Variants in RABGAP1 observed in about 807,000 individuals in gnomAD.
RABGAP1 encodes the protein rab GTPase-activating protein 1.
In RABGAP1, 23 loss-of-function variants were observed where a neutral mutation model predicts 137.6. That is an observed-to-expected ratio of 0.17 (90% CI 0.12 to 0.24). The LOEUF (loss-of-function observed/expected upper bound fraction) is 0.24, where lower values mean the gene tolerates loss of function less well. Ranked by LOEUF, RABGAP1 falls within the 10% of genes least tolerant of loss-of-function variation. RABGAP1 has a pLI of 1.00. For synonymous variants in RABGAP1, 451 were observed against 450.7 expected (o/e 1.00, Z -0.01); for missense variants, 906 against 1,275.8 (o/e 0.71, Z 4.42).
At chr9:122,952,089 CAT>C in intron 1 of RABGAP1, among the ~76,000 whole-genome samples, 1 of 152,082 alleles carries the variant, frequency 6.6e-6, no homozygotes, top group South Asian at 2.1e-4. Context: ...GAAAATAAAG[CAT>C]AATTGAACTT....
At chr9:122,965,660 A>AG (rs373948975) in intron 2 of RABGAP1, among the ~76,000 whole-genome samples, 21 of 152,384 alleles carry the variant, frequency 1.4e-4, no homozygotes, top group African/African-American at 4.8e-4. Context: ...CTAGGATTAC[A>AG]GGCGTGAGCC....
the RABGAP1 span, among the ~76,000 whole-genome samples, chr9:122,932,694 T>C: frequency 6.6e-6 from 1 of 152,214 alleles, no homozygotes; most frequent in East Asian, 1.9e-4. Flanking sequence ...CACACCGGGC[T>C]AATTTGATAT....
intron 10 of RABGAP1, 79 bp downstream of exon 10, chr9:122,998,845 G>T: frequency 1.1e-6 from 1 of 945,598 alleles, no homozygotes; most frequent in South Asian, 2.3e-5. Flanking sequence ...TAAGCCCTCA[G>T]ATCTTTAAAC....
chr9:123,016,399 CTG>C (rs1426562163), intron 12 of RABGAP1, among the ~76,000 whole-genome samples: 2 of 152,062 alleles, frequency 1.3e-5, no homozygotes, highest in Non-Finnish European at 2.9e-5. Flanking sequence ...TCCAGCTACT[CTG>C]GAGGCTGAGG....
intron 13 of RABGAP1, among the ~76,000 whole-genome samples, chr9:123,031,962 T>G (rs1268901005): frequency 6.6e-6 from 1 of 152,238 alleles, no homozygotes; most frequent in Admixed American, 6.5e-5. Context: ...TTCCTTCTTT[T>G]CAGCTACCTT....
intron 2 of RABGAP1, among the ~76,000 whole-genome samples, chr9:122,963,060 C>T (rs1325233782): frequency 2.0e-5 from 3 of 152,200 alleles, no homozygotes; most frequent in African/African-American, 7.2e-5. Context: ...AATAACCAAG[C>T]ACCAAAATGC....
chr9:123,045,598 A>G (rs2132038364), intron 13 of RABGAP1, among the ~76,000 whole-genome samples: 1 of 152,338 alleles, frequency 6.6e-6, no homozygotes, highest in African/African-American at 2.4e-5. Flanking sequence ...AATCTGTCTG[A>G]ATGTTAGAAG....
intron 13 of RABGAP1, among the ~76,000 whole-genome samples, chr9:123,038,572 G>C (rs2032790974): frequency 6.6e-6 from 1 of 152,026 alleles, no homozygotes; most frequent in South Asian, 2.1e-4. Flanking sequence ...CATAGTTGTT[G>C]GTGAAATTAC....
chr9:122,969,318 A>G (rs1330513084), intron 2 of RABGAP1, among the ~76,000 whole-genome samples: 3 of 152,350 alleles, frequency 2.0e-5, no homozygotes, highest in East Asian at 1.9e-4. Context: ...TGTTCATACA[A>G]CAGAACTGCC....
rs2035395709 is a variant in RABGAP1 at position 123,103,280 on chromosome 9, G to A, written c.*67G>A. 2.5e-6 allele frequency: 4 copies of A among 1,590,262 alleles called. No individual in the cohort carries two copies. Among genetic ancestry groups the A allele is most frequent in the Non-Finnish European group, 3.4e-6 (4 of 1,168,692 alleles). ...CTTTTGTTGCCTTCTTTGGCCAGAT[G>A]TGTGATTCTGTGACTTGTCCCAGGA... is the stretch of plus-strand genomic sequence containing the variant. On this transcript the variant is annotated 3_prime_UTR_variant, in exon 26 of 26. Coordinates refer to ENST00000373647, the MANE Select transcript of RABGAP1 (RefSeq NM_012197.4).
At chr9:123,064,050 A>ACTCTCG (rs913067162) in intron 13 of RABGAP1, among the ~76,000 whole-genome samples, 3 of 151,146 alleles carry the variant, frequency 2.0e-5, no homozygotes, top group African/African-American at 7.3e-5. Flanking sequence ...TCTCACTCTC[A>ACTCTCG]CTCTCGCTCA....
chr9:122,971,504 C>T (rs1354781484), intron 2 of RABGAP1, among the ~76,000 whole-genome samples: 1 of 152,142 alleles, frequency 6.6e-6, no homozygotes, highest in Admixed American at 6.5e-5. Context: ...CTGAATCCCA[C>T]TGGAACTTGG....
At chr9:122,984,324 T>G (rs1836249247) in intron 2 of RABGAP1, among the ~76,000 whole-genome samples, 161 bp from the exon 3 acceptor site, 1 of 152,316 alleles carries the variant, frequency 6.6e-6, no homozygotes, top group African/African-American at 2.4e-5. Flanking sequence ...GCACCCTTAT[T>G]TGTTGCAGAT....
At chr9:123,091,469 A>G (rs2035030573) in intron 21 of RABGAP1, among the ~76,000 whole-genome samples, 1 of 152,230 alleles carries the variant, frequency 6.6e-6, no homozygotes, top group African/African-American at 2.4e-5. Flanking sequence ...CAGAGACCAC[A>G]GTATCTACCC....
chr9:123,047,919 G>GTTTTTTTTTTTTTTTTTTTTTTTTTT (rs59639446), intron 13 of RABGAP1, among the ~76,000 whole-genome samples: 4 of 62,250 alleles, frequency 6.4e-5, no homozygotes, highest in Non-Finnish European at 1.4e-4. Flanking sequence ...CAGCTGCTGG[G>GTTTTTTTTTTTTTTTTTTTTTTTTTT]TTTTTTTTTT....
At chr9:123,029,465 A>AT in intron 13 of RABGAP1, 1 of 1,483,268 alleles carries the variant, frequency 6.7e-7, no homozygotes, top group Non-Finnish European at 9.4e-7. Flanking sequence ...AACCAGTTTG[A>AT]TAAGTCCTTT....
At chr9:123,059,546 C>T (rs2033884395) in intron 13 of RABGAP1, among the ~76,000 whole-genome samples, 1 of 152,034 alleles carries the variant, frequency 6.6e-6, no homozygotes, top group Non-Finnish European at 1.5e-5. Flanking sequence ...CAGAGCGATA[C>T]TCCGTCTCAA....
At chr9:123,019,889 G>A (rs924379461) in intron 12 of RABGAP1, among the ~76,000 whole-genome samples, 1 of 151,934 alleles carries the variant, frequency 6.6e-6, no homozygotes, top group African/African-American at 2.4e-5. Context: ...TCACCATGGC[G>A]CCCAGGCTGC....
At chr9:123,014,837 A>C (rs2031095537) in intron 11 of RABGAP1, among the ~76,000 whole-genome samples, 1 of 152,060 alleles carries the variant, frequency 6.6e-6, no homozygotes, top group South Asian at 2.1e-4. Flanking sequence ...GGAAGCAAAC[A>C]TGTCCTTCTT....
Sources: gnomAD v4.1 joint callset for allele counts (sites outside exome capture counted in the v4.1 genomes callset) on GRCh38, gnomAD v4.1.1 for gene constraint, MANE v1.5 for transcripts, NCBI Gene and HGNC (gene_info 2026-07-23, HGNC 2026-07-21) for gene names.